Variants in RTL4 observed in about 807,000 individuals in gnomAD.
The protein encoded by RTL4 is retrotransposon Gag like 4, also known as retrotransposon Gag-like protein 4.
In RTL4, 4 loss-of-function variants were observed where a neutral mutation model predicts 5.3. The ratio of observed to expected loss-of-function variants is 0.75; its 90% CI spans 0.37 to 1.72. The LOEUF is 1.72. Among genes scored for constraint, RTL4 ranks in the 40% most tolerant of loss-of-function variants. The pLI, the probability that RTL4 is intolerant of heterozygous loss-of-function variation, is 0.04. For synonymous variants in RTL4, 98 were observed against 87.3 expected, an observed-to-expected ratio of 1.12 and a Z score of -0.68; for missense variants, 260 against 227.1, an observed-to-expected ratio of 1.14 and a Z score of -0.93.
At chrX:112,177,837 A>T in the RTL4 span, among the ~76,000 whole-genome samples, 1 of 111,103 alleles carries the variant, frequency 9.0e-6, no homozygotes, top group Admixed American at 9.6e-5. Context: ...CAGATGGTAA[A>T]TATTTCAGAC....
At chrX:112,231,210 C>G in the RTL4 span, among the ~76,000 whole-genome samples, 2 of 111,141 alleles carry the variant, frequency 1.8e-5, no homozygotes, top group South Asian at 7.7e-4. Context: ...TTGACCCAGC[C>G]ATCCCATTAC....
the RTL4 span, among the ~76,000 whole-genome samples, chrX:112,303,514 A>G: frequency 4.0e-5 from 4 of 100,817 alleles, no homozygotes; most frequent in Non-Finnish European, 7.9e-5. Context: ...AGGACAAAAA[A>G]CCAAACACCG....
the RTL4 span, among the ~76,000 whole-genome samples, chrX:112,191,314 G>A: frequency 9.0e-6 from 1 of 111,311 alleles, no homozygotes; most frequent in Non-Finnish European, 1.9e-5. Flanking sequence ...CATGTGCCAC[G>A]GACAGAACAA....
the RTL4 span, among the ~76,000 whole-genome samples, chrX:112,141,750 T>C: frequency 9.0e-6 from 1 of 111,411 alleles, no homozygotes; most frequent in Non-Finnish European, 1.9e-5. Context: ...AAGGGAAATG[T>C]ACTGAAAAAA....
the RTL4 span, among the ~76,000 whole-genome samples, chrX:112,249,110 T>C: frequency 0.087 from 9,760 of 111,824 alleles, 1,045 homozygotes; most frequent in African/African-American, 0.3. Context: ...TAGTTTTAAA[T>C]GCAGCCCAGT....
chrX:112,129,862 C>T, the RTL4 span, among the ~76,000 whole-genome samples: 16 of 111,591 alleles, frequency 1.4e-4, no homozygotes, highest in African/African-American at 3.9e-4. Context: ...TTACCAAAAA[C>T]GATCCAAAAT....
chrX:112,358,019 G>T, the RTL4 span, among the ~76,000 whole-genome samples: 1 of 111,540 alleles, frequency 9.0e-6, no homozygotes, highest in Admixed American at 9.5e-5. Context: ...TATGGGCTTT[G>T]TGCTTTAAAT....
chrX:112,277,985 C>T, the RTL4 span, among the ~76,000 whole-genome samples: 4 of 111,905 alleles, frequency 3.6e-5, no homozygotes, highest in Non-Finnish European at 5.6e-5. Flanking sequence ...GTTTAACAAG[C>T]CCATCCAAGG....
the RTL4 span, among the ~76,000 whole-genome samples, chrX:112,343,574 T>C: frequency 3.6e-5 from 4 of 112,126 alleles, no homozygotes; most frequent in Non-Finnish European, 7.5e-5. Flanking sequence ...TTCTTTATTG[T>C]AGGACTTTTT....
chrX:112,292,416 G>GC, the RTL4 span, among the ~76,000 whole-genome samples: 4 of 111,898 alleles, frequency 3.6e-5, no homozygotes, highest in Middle Eastern at 4.6e-3. Flanking sequence ...TGAGAGTGCT[G>GC]CTGGATAATG....
chrX:112,131,544 C>T, the RTL4 span, among the ~76,000 whole-genome samples: 3 of 111,732 alleles, frequency 2.7e-5, no homozygotes, highest in Middle Eastern at 4.6e-3. Context: ...GATGAAGATG[C>T]AGGACTTCAA....
At chrX:112,428,382 T>A in the RTL4 span, among the ~76,000 whole-genome samples, 1 of 112,275 alleles carries the variant, frequency 8.9e-6, no homozygotes, top group Non-Finnish European at 1.9e-5. Flanking sequence ...AAAATATTTT[T>A]AAAATTTCTC....
chrX:112,222,483 C>A, the RTL4 span, among the ~76,000 whole-genome samples: 81 of 110,848 alleles, frequency 7.3e-4, no homozygotes, highest in Non-Finnish European at 1.1e-4. Flanking sequence ...CTTGGGAGGG[C>A]TGAGGAGGCT....
At chrX:112,167,810 C>T in the RTL4 span, among the ~76,000 whole-genome samples, 59 of 107,004 alleles carry the variant, frequency 5.5e-4, no homozygotes, top group African/African-American at 1.7e-3. Context: ...TTGTTGATGT[C>T]ATTTTTTATT....
the RTL4 span, among the ~76,000 whole-genome samples, chrX:112,354,787 C>T: frequency 2.7e-5 from 3 of 110,917 alleles, no homozygotes; most frequent in Non-Finnish European, 5.7e-5. Context: ...CACTTCAAAA[C>T]ATTAAGAGGG....
the RTL4 span, among the ~76,000 whole-genome samples, chrX:112,193,763 G>A: frequency 1.8e-5 from 2 of 110,643 alleles, no homozygotes; most frequent in East Asian, 5.6e-4. Context: ...TCCTCGGATT[G>A]GATAATTTCA....
At chrX:112,226,867 C>T in the RTL4 span, among the ~76,000 whole-genome samples, 2 of 107,283 alleles carry the variant, frequency 1.9e-5, no homozygotes, top group African/African-American at 3.4e-5. Flanking sequence ...GCCCAAGAGG[C>T]GGAGGTTGCA....
chrX:112,212,099 G>A, the RTL4 span, among the ~76,000 whole-genome samples: 4 of 112,586 alleles, frequency 3.6e-5, no homozygotes, highest in African/African-American at 6.5e-5. Context: ...GAAGTGGGCC[G>A]GGCGCGGTGG....
At chrX:112,304,406 T>C in the RTL4 span, among the ~76,000 whole-genome samples, 1 of 110,987 alleles carries the variant, frequency 9.0e-6, no homozygotes, top group African/African-American at 3.3e-5. Context: ...ACAGTGTTGA[T>C]AAGCACCTGA....
Sources: gnomAD v4.1 joint callset for allele counts (sites outside exome capture counted in the v4.1 genomes callset) on GRCh38, gnomAD v4.1.1 for gene constraint, MANE v1.5 for transcripts, NCBI Gene and HGNC (gene_info 2026-07-23, HGNC 2026-07-21) for gene names.